Variants in SDK1 observed in about 807,000 individuals in gnomAD.
SDK1 encodes sidekick cell adhesion molecule 1, also known as protein sidekick-1.
Under a neutral mutation model 245.5 loss-of-function variants are expected in SDK1, and 157 were observed. The ratio of observed to expected loss-of-function variants is 0.64; its 90% CI spans 0.56 to 0.73. The LOEUF (loss-of-function observed/expected upper bound fraction) is 0.73, where lower values mean the gene tolerates loss of function less well. Among genes scored for constraint, SDK1 ranks in the 30% least tolerant of loss-of-function variants. The pLI, the probability that SDK1 is intolerant of heterozygous loss-of-function variation, is 0.00. For synonymous variants in SDK1, 1,647 were observed against 1,278.5 expected (o/e 1.29, Z -6.15); for missense variants, 3,583 against 3,002.3 (o/e 1.19, Z -4.52).
intron 38 of SDK1, among the ~76,000 whole-genome samples, chr7:4,219,042 G>A (rs1273054154): frequency 6.6e-6 from 1 of 152,172 alleles, no homozygotes; most frequent in Non-Finnish European, 1.5e-5. Flanking sequence ...AATCCAACCA[G>A]CAAGACTTTT....
intron 4 of SDK1, among the ~76,000 whole-genome samples, chr7:3,722,761 C>G (rs1778856461): frequency 6.6e-6 from 1 of 152,178 alleles, no homozygotes; most frequent in African/African-American, 2.4e-5. Flanking sequence ...GCGCGGGTGG[C>G]TCAGCACCGC....
chr7:4,025,016 TCA>T (rs10602730), intron 17 of SDK1, among the ~76,000 whole-genome samples: 35,539 of 147,996 alleles, frequency 0.24, 4,170 homozygotes, highest in Middle Eastern at 0.29. Flanking sequence ...TATTTTGCAT[TCA>T]CACACACACA....
intron 14 of SDK1, among the ~76,000 whole-genome samples, chr7:3,991,078 C>T (rs1237080510): frequency 7.2e-5 from 11 of 152,236 alleles, no homozygotes; most frequent in Admixed American, 7.2e-4. Context: ...GATGCAGCCT[C>T]CACGTCGCAC....
chr7:3,307,804 G>T (rs754770151), intron 1 of SDK1, among the ~76,000 whole-genome samples: 9 of 152,076 alleles, frequency 5.9e-5, no homozygotes, highest in Non-Finnish European at 1.5e-5. Context: ...TAGTCTCTCT[G>T]AGTCTGTTTT....
At chr7:4,132,520 A>G in intron 28 of SDK1, 97 bp downstream of exon 28, 1 of 790,288 alleles carries the variant, frequency 1.3e-6, no homozygotes, top group Non-Finnish European at 2.1e-6. Flanking sequence ...CCAGGAGTTC[A>G]AGACCAGCCT....
At chr7:3,892,571 A>C (rs1781486474) in intron 5 of SDK1, among the ~76,000 whole-genome samples, 1 of 152,204 alleles carries the variant, frequency 6.6e-6, no homozygotes, top group Non-Finnish European at 1.5e-5. Context: ...GCAGAGACAA[A>C]TCATTTTGAA....
At chr7:3,723,886 ATATACACGTG>A (rs1778915762) in intron 4 of SDK1, among the ~76,000 whole-genome samples, 2 of 137,392 alleles carry the variant, frequency 1.5e-5, no homozygotes, top group South Asian at 2.2e-4. Flanking sequence ...GTACATATAT[ATATACACGTG>A]TATATACACG....
At position 4,266,024 on chromosome 7, in the gene SDK1, G is replaced by A; in HGVS notation, c.*640G>A. ...GCTAAGGTGTGGCTCAGCCGTCACT[G>A]TCTGTGTCACTGCAGTGGTGCGGTC... is the stretch of plus-strand genomic sequence containing the variant. On this transcript the variant is annotated 3_prime_UTR_variant, in exon 45 of 45. Transcript: ENST00000404826. 1 of 985,532 alleles carries A rather than the reference G, an allele frequency of 1.0e-6. No individual in the cohort carries two copies. Among genetic ancestry groups the A allele is most frequent in the South Asian group, 4.7e-5 (1 of 21,292 alleles). The allele number at this position is 985,532 out of a possible 1,614,324, so 61.0% of individuals were successfully genotyped here.
intron 17 of SDK1, among the ~76,000 whole-genome samples, chr7:4,041,912 C>G (rs745662454): frequency 2.2e-5 from 3 of 134,702 alleles, no homozygotes; most frequent in Non-Finnish European, 4.6e-5. Flanking sequence ...CTCCCAGGTT[C>G]GAGCAATACT....
intron 4 of SDK1, among the ~76,000 whole-genome samples, chr7:3,730,229 CA>C (rs1426540447): frequency 6.6e-6 from 1 of 152,168 alleles, no homozygotes; most frequent in Non-Finnish European, 1.5e-5. Flanking sequence ...AAGGGCATCT[CA>C]GCCTCACATA....
intron 14 of SDK1, among the ~76,000 whole-genome samples, chr7:3,992,249 G>A (rs73040429): frequency 1.6e-3 from 242 of 152,328 alleles, no homozygotes; most frequent in Non-Finnish European, 3.1e-3. Flanking sequence ...CAGAGCCTGG[G>A]GCTTGAACTG....
chr7:3,898,920 A>G (rs1781691788), intron 5 of SDK1, among the ~76,000 whole-genome samples: 1 of 152,208 alleles, frequency 6.6e-6, no homozygotes. Context: ...AAATAAATGT[A>G]TTTTTAGCCT....
At chr7:4,206,828 C>G (rs1338592539) in intron 36 of SDK1, among the ~76,000 whole-genome samples, 3 of 152,090 alleles carry the variant, frequency 2.0e-5, no homozygotes, top group African/African-American at 7.2e-5. Flanking sequence ...GGGGGCTAGC[C>G]TCCCCTAATG....
intron 4 of SDK1, among the ~76,000 whole-genome samples, chr7:3,738,240 G>C (rs1276768681): frequency 6.6e-6 from 1 of 152,188 alleles, no homozygotes; most frequent in African/African-American, 2.4e-5. Flanking sequence ...CGTAAGATAA[G>C]GGTCCACCTT....
At chr7:3,503,687 C>A (rs1251425929) in intron 1 of SDK1, among the ~76,000 whole-genome samples, 2 of 151,542 alleles carry the variant, frequency 1.3e-5, no homozygotes, top group Non-Finnish European at 2.9e-5. Context: ...CTTAAAAAAA[C>A]AAAACAAAAT....
intron 40 of SDK1, among the ~76,000 whole-genome samples, chr7:4,226,864 AT>A (rs1215591172): frequency 2.6e-5 from 4 of 152,166 alleles, no homozygotes; most frequent in African/African-American, 9.7e-5. Context: ...AACTATAAAT[AT>A]ATTTTCCTCT....
At chr7:4,016,049 G>A (rs958657404) in intron 16 of SDK1, among the ~76,000 whole-genome samples, 6 of 152,100 alleles carry the variant, frequency 3.9e-5, no homozygotes, top group African/African-American at 1.4e-4. Context: ...TCTCTGCTTC[G>A]GTGTCAGCAG....
intron 4 of SDK1, among the ~76,000 whole-genome samples, chr7:3,763,997 A>G (rs1780179934): frequency 6.6e-6 from 1 of 152,156 alleles, no homozygotes; most frequent in Non-Finnish European, 1.5e-5. Context: ...AAAGGAAACC[A>G]CAATTTTGAA....
intron 5 of SDK1, among the ~76,000 whole-genome samples, chr7:3,859,341 T>C (rs1027426328): frequency 1.5e-4 from 23 of 152,268 alleles, no homozygotes; most frequent in African/African-American, 5.5e-4. Flanking sequence ...CATTGCATGA[T>C]GGCATCAGGG....
Sources: gnomAD v4.1 joint callset for allele counts (sites outside exome capture counted in the v4.1 genomes callset) on GRCh38, gnomAD v4.1.1 for gene constraint, MANE v1.5 for transcripts, NCBI Gene and HGNC (gene_info 2026-07-23, HGNC 2026-07-21) for gene names.